The following SOX6 variants were observed in gnomAD, a reference collection of about 807,000 sequenced individuals.
SOX6 encodes SRY-box transcription factor 6.
Under a neutral mutation model 97.8 loss-of-function variants are expected in SOX6, and 11 were observed. That is an observed-to-expected ratio of 0.11 (90% CI 0.07 to 0.19). SOX6 has a LOEUF of 0.19. Among genes scored for constraint, SOX6 ranks in the 10% least tolerant of loss-of-function variants. SOX6 has a pLI of 1.00. For missense variants in SOX6, 810 were observed against 1,039.5 expected, an observed-to-expected ratio of 0.78 and a Z score of 3.04; for synonymous variants, 360 against 371.4, an observed-to-expected ratio of 0.97 and a Z score of 0.35.
intron 6 of SOX6, among the ~76,000 whole-genome samples, chr11:16,163,017 G>C (rs1321648198): frequency 2.0e-5 from 3 of 150,622 alleles, no homozygotes; most frequent in Non-Finnish European, 4.4e-5. Flanking sequence ...AGATGAGAGA[G>C]ACAAGATAAT....
chr11:16,345,120 T>C (rs1452706550), intron 1 of SOX6, among the ~76,000 whole-genome samples: 2 of 152,010 alleles, frequency 1.3e-5, no homozygotes, highest in Non-Finnish European at 2.9e-5. Context: ...GGTGTTTTTT[T>C]TAACTGTTTA....
chr11:16,082,720 C>T (rs530165775), intron 9 of SOX6, among the ~76,000 whole-genome samples: 2 of 152,246 alleles, frequency 1.3e-5, no homozygotes, highest in South Asian at 2.1e-4. Context: ...GAAATGTAAA[C>T]TAGAGATCAA....
chr11:16,468,922 G>C (rs1860090353), intron 1 of SOX6, among the ~76,000 whole-genome samples: 1 of 152,016 alleles, frequency 6.6e-6, no homozygotes, highest in Non-Finnish European at 1.5e-5. Context: ...AACTTATTTT[G>C]AAATTTTGAA....
rs141327302 is a variant in SOX6 at position 16,117,694 on chromosome 11, C to A, written c.778-5771G>T. On this transcript the variant is annotated intron_variant, in intron 6 of 15. Transcript: ENST00000683767. Reference sequence around the variant, plus strand: ...TGGAAGTTGTGTATTAAAGTCACTGCACTGAGTGCCAGTGCTTAGGGCAGA... The same window carrying A: ...TGGAAGTTGTGTATTAAAGTCACTGAACTGAGTGCCAGTGCTTAGGGCAGA... Among the ~76,000 whole-genome samples the A allele has an allele frequency of 2.8e-3, 428 of 152,238 alleles. 1 individual carries two copies. The highest frequency in any genetic ancestry group is 5.0e-3 in the Non-Finnish European group (342 of 68,012).
chr11:16,623,793 T>C (rs1229839827), intron 3 of SOX6, among the ~76,000 whole-genome samples: 2 of 152,198 alleles, frequency 1.3e-5, no homozygotes. Context: ...TTGCCAGTTA[T>C]CCCAGCACCA....
intron 4 of SOX6, among the ~76,000 whole-genome samples, chr11:16,594,125 A>C (rs1302007413): frequency 6.6e-6 from 1 of 152,156 alleles, no homozygotes; most frequent in Non-Finnish European, 1.5e-5. Context: ...GCTGTTTCTC[A>C]TTCTTTCCCT....
chr11:16,684,555 G>A (rs1419763771), intron 3 of SOX6, among the ~76,000 whole-genome samples: 2 of 138,694 alleles, frequency 1.4e-5, no homozygotes, highest in African/African-American at 5.5e-5. Context: ...ACAGGGCAGA[G>A]AACATCACAT....
chr11:16,503,211 T>C (rs1390480862), intron 4 of SOX6, among the ~76,000 whole-genome samples: 1 of 151,830 alleles, frequency 6.6e-6, no homozygotes, highest in East Asian at 1.9e-4. Flanking sequence ...GAAATGCTTA[T>C]GGAGTTCTAC....
At chr11:16,288,186 T>A (rs1461594766) in intron 3 of SOX6, among the ~76,000 whole-genome samples, 1 of 152,056 alleles carries the variant, frequency 6.6e-6, no homozygotes, top group Non-Finnish European at 1.5e-5. Context: ...ATAACCCCGA[T>A]TCAGAAGATT....
At chr11:16,526,434 G>C (rs1439466023) in intron 4 of SOX6, among the ~76,000 whole-genome samples, 1 of 151,592 alleles carries the variant, frequency 6.6e-6, no homozygotes, top group Non-Finnish European at 1.5e-5. Flanking sequence ...ATTGAACAAT[G>C]AGAACACATG....
chr11:16,423,573 T>C (rs1003575675), intron 1 of SOX6, among the ~76,000 whole-genome samples: 1 of 151,822 alleles, frequency 6.6e-6, no homozygotes, highest in African/African-American at 2.4e-5. Flanking sequence ...GTCAACACCT[T>C]TCTAAAGTCT....
intron 3 of SOX6, among the ~76,000 whole-genome samples, chr11:16,253,189 T>C (rs1188526103): frequency 6.6e-6 from 1 of 151,742 alleles, no homozygotes. Flanking sequence ...CTCTACTAAA[T>C]ATACAAAAAA....
chr11:16,327,195 C>T (rs144816743), intron 2 of SOX6, among the ~76,000 whole-genome samples: 1 of 152,210 alleles, frequency 6.6e-6, no homozygotes, highest in African/African-American at 2.4e-5. Flanking sequence ...TTAGACTCTG[C>T]ATTTTTATAG....
intron 4 of SOX6, among the ~76,000 whole-genome samples, chr11:16,506,272 C>T (rs950320732): frequency 2.0e-5 from 3 of 152,168 alleles, no homozygotes; most frequent in Non-Finnish European, 4.4e-5. Context: ...GAATGAGAGA[C>T]AAGGAGTTGA....
chr11:16,106,506 ATGT>A (rs1401396752), intron 7 of SOX6, among the ~76,000 whole-genome samples: 4 of 152,000 alleles, frequency 2.6e-5, no homozygotes, highest in Non-Finnish European at 4.4e-5. Flanking sequence ...TTATCAACAA[ATGT>A]TGTGGGGAAA....
chr11:16,430,897 T>A (rs1859259291), intron 1 of SOX6, among the ~76,000 whole-genome samples: 1 of 152,188 alleles, frequency 6.6e-6, no homozygotes, highest in Admixed American at 6.5e-5. Context: ...AGAACCCATC[T>A]TCTTCAGGTT....
intron 9 of SOX6, among the ~76,000 whole-genome samples, chr11:16,079,670 T>A (rs1016914829): frequency 6.6e-6 from 1 of 152,142 alleles, no homozygotes; most frequent in East Asian, 1.9e-4. Context: ...ATATAAAATA[T>A]CGTCTTCTTA....
At chr11:16,188,173 A>G (rs1036887007) in intron 4 of SOX6, among the ~76,000 whole-genome samples, 2 of 151,456 alleles carry the variant, frequency 1.3e-5, no homozygotes, top group East Asian at 1.9e-4. Context: ...ACTGACATCA[A>G]CAGAGAAGCT....
intron 4 of SOX6, among the ~76,000 whole-genome samples, chr11:16,541,648 G>A (rs977501620): frequency 1.3e-5 from 2 of 152,114 alleles, no homozygotes; most frequent in Non-Finnish European, 2.9e-5. Context: ...CAAAAAGTGG[G>A]CAAAGGATAT....
Sources: gnomAD v4.1 joint callset for allele counts (sites outside exome capture counted in the v4.1 genomes callset) on GRCh38, gnomAD v4.1.1 for gene constraint, MANE v1.5 for transcripts, NCBI Gene and HGNC (gene_info 2026-07-23, HGNC 2026-07-21) for gene names.